DCHS2: variants seen among roughly 807,000 people sequenced by gnomAD.
DCHS2 encodes the protein dachsous cadherin-related 2.
A neutral mutation model predicts 182.4 loss-of-function variants in DCHS2; 142 were observed. The observed-to-expected ratio is 0.78, with a 90% confidence interval of 0.68 to 0.89. DCHS2 has a LOEUF of 0.89. Ranked by LOEUF, DCHS2 falls within the 40% of genes least tolerant of loss-of-function variation. The pLI is 0.00. For missense variants in DCHS2, 4,319 were observed against 4,198.6 expected, an observed-to-expected ratio of 1.03 and a Z score of -0.79; for synonymous variants, 1,740 against 1,663.3, an observed-to-expected ratio of 1.05 and a Z score of -1.12.
intron 2 of DCHS2, among the ~76,000 whole-genome samples, chr4:154,375,462 C>T (rs986195083): frequency 3.3e-5 from 5 of 151,778 alleles, no homozygotes; most frequent in Non-Finnish European, 7.4e-5. Context: ...ATATAAAGAA[C>T]TCATGCACAT....
At chr4:154,483,004 G>A (rs900280415) in intron 1 of DCHS2, among the ~76,000 whole-genome samples, 4 of 152,168 alleles carry the variant, frequency 2.6e-5, no homozygotes, top group Admixed American at 2.6e-4. Context: ...TTGAGGGCCT[G>A]GCTGATATTA....
intron 3 of DCHS2, among the ~76,000 whole-genome samples, chr4:154,359,196 T>A (rs2110749265): frequency 6.6e-6 from 1 of 152,116 alleles, no homozygotes; most frequent in Admixed American, 6.5e-5. Flanking sequence ...ACTGCTTGGA[T>A]TTATACATAC....
intron 2 of DCHS2, among the ~76,000 whole-genome samples, chr4:154,367,919 T>TGCTCTGAGCTCTGA (rs71600320): frequency 1.3e-5 from 2 of 151,454 alleles, no homozygotes; most frequent in East Asian, 2.0e-4. Flanking sequence ...ACGGCTGTCC[T>TGCTCTGAGCTCTGA]GCTCTGAGCT....
intron 1 of DCHS2, among the ~76,000 whole-genome samples, chr4:154,386,268 G>T (rs531748972): frequency 2.6e-4 from 39 of 152,086 alleles, no homozygotes; most frequent in Non-Finnish European, 5.6e-4. Context: ...ACTCCTGTCC[G>T]ACTCTTTCAC....
intron 1 of DCHS2, among the ~76,000 whole-genome samples, chr4:154,399,718 C>G (rs79869747): frequency 0.048 from 7,287 of 152,148 alleles, 266 homozygotes; most frequent in East Asian, 0.14. Context: ...AAGCAGAATC[C>G]GAAACCAATG....
intron 13 of DCHS2, among the ~76,000 whole-genome samples, chr4:154,271,632 A>G (rs1733600784): frequency 6.6e-6 from 1 of 152,158 alleles, no homozygotes; most frequent in Non-Finnish European, 1.5e-5. Flanking sequence ...TTGGTCCCCA[A>G]GTTAGTACTT....
chr4:154,373,852 C>T, intron 2 of DCHS2: 3 of 1,319,976 alleles, frequency 2.3e-6, no homozygotes, highest in Non-Finnish European at 3.2e-6. Flanking sequence ...AAACTCGAAG[C>T]TCTGACAACC....
At chr4:154,305,375 A>G (rs1248023027) in intron 10 of DCHS2, 144 bp from the exon 11 acceptor site, 1 of 1,113,944 alleles carries the variant, frequency 9.0e-7, no homozygotes, top group South Asian at 2.2e-5. Flanking sequence ...AGGTAAAAGA[A>G]AACCTCTTTT....
chr4:154,371,719 AG>A (rs1280303457), intron 2 of DCHS2, among the ~76,000 whole-genome samples: 1 of 152,160 alleles, frequency 6.6e-6, no homozygotes, highest in Non-Finnish European at 1.5e-5. Flanking sequence ...CAGAAGGCAA[AG>A]GGGGAGCAAG....
chr4:154,483,951 T>C (rs1728482406), intron 1 of DCHS2, among the ~76,000 whole-genome samples: 1 of 152,202 alleles, frequency 6.6e-6, no homozygotes, highest in Non-Finnish European at 1.5e-5. Context: ...TTCTCTCCTG[T>C]TAGTAGTTCT....
rs1190174705 is a variant in DCHS2, at chr4:154,236,567, C to T, written c.8085G>A (p.Gly2695=). ...TVVSANDRDT[G]SHAEIIYNII... The stretch of plus-strand genomic sequence containing the variant: ...TGTTGTAGATGATTTCTGCATGTGA[C>T]CCTGTGTCACGGTCATTTGCTGAGA... The change falls in exon 20 of 20, where the codon GGG becomes GGA. Residue 2695 remains glycine, a synonymous_variant. Coordinates refer to ENST00000357232, the MANE Select transcript of DCHS2 (RefSeq NM_001358235.2). The T allele has an allele frequency of 1.2e-6, 2 of 1,613,990 alleles. No individual in the cohort carries two copies. Among genetic ancestry groups the T allele is most frequent in the South Asian group, 2.2e-5 (2 of 91,082 alleles).
Position 154,233,149 on chromosome 4 carries a change from T to G in DCHS2, c.*1387A>C, listed in dbSNP as rs1383721396. 6.6e-6 allele frequency: 1 copy of G among 152,148 alleles called. No individual in the cohort carries two copies. The highest frequency in any genetic ancestry group is 1.5e-5 in the Non-Finnish European group (1 of 68,028). 9.4% of individuals were successfully genotyped at this position (152,148 alleles called of 1,614,324 possible). A position where few individuals can be genotyped will look rare whatever the true frequency, so the allele number is the denominator to read the frequency against. ...AGAAAGCCACACGATACCCTTTAGA[T>G]TTCACATTAGAATTCCTAAACTGTT... On this transcript the variant is annotated 3_prime_UTR_variant, in exon 20 of 20. Coordinates refer to ENST00000357232, the MANE Select transcript of DCHS2 (RefSeq NM_001358235.2).
At chr4:154,249,366 A>G (rs76363965) in intron 16 of DCHS2, among the ~76,000 whole-genome samples, 3,666 of 152,254 alleles carry the variant, frequency 0.024, 161 homozygotes, top group African/African-American at 0.081. Flanking sequence ...GAGAAATACA[A>G]ATCAAAACAT....
At chr4:154,450,280 G>A (rs1245521895) in intron 1 of DCHS2, among the ~76,000 whole-genome samples, 1 of 152,230 alleles carries the variant, frequency 6.6e-6, no homozygotes, top group African/African-American at 2.4e-5. Context: ...GGACTTTAAT[G>A]AGATTTGACT....
At chr4:154,368,938 A>G (rs1320209515) in intron 2 of DCHS2, among the ~76,000 whole-genome samples, 1 of 152,218 alleles carries the variant, frequency 6.6e-6, no homozygotes, top group Non-Finnish European at 1.5e-5. Flanking sequence ...AGTGCTAAAG[A>G]GGACAGATTT....
chr4:154,451,826 C>T (rs565141979), intron 1 of DCHS2, among the ~76,000 whole-genome samples: 1 of 152,318 alleles, frequency 6.6e-6, no homozygotes, highest in South Asian at 2.1e-4. Flanking sequence ...TGTTGAGAAA[C>T]TTGGAACATG....
chr4:154,298,237 A>T lies in DCHS2; in HGVS notation c.6077T>A (p.Val2026Glu). 3.7e-6 allele frequency: 6 copies of T among 1,614,138 alleles called. No individual in the cohort carries two copies. Among genetic ancestry groups the T allele is most frequent in the Non-Finnish European group, 5.1e-6 (6 of 1,180,008 alleles). ...GSRSTTVIIK[V>E]YVTDVNDNDP... is the part of the protein sequence containing the mutation. ...ATTGTCATTAACATCAGTGACATAT[A>T]CTTTTATAATTACAGTGGTGCTTCG... is the stretch of plus-strand genomic sequence containing the variant. The change falls in exon 13 of 20, where the codon GTA becomes GAA. Residue 2026 changes from valine to glutamate, a missense_variant. Val to Glu is a moderately radical substitution (Grantham distance 121). Coordinates refer to ENST00000357232, the MANE Select transcript of DCHS2 (RefSeq NM_001358235.2).
chr4:154,397,248 A>AT (rs1285762822), intron 1 of DCHS2, among the ~76,000 whole-genome samples: 7 of 152,204 alleles, frequency 4.6e-5, no homozygotes, highest in Non-Finnish European at 1.0e-4. Context: ...AGATTCTTAC[A>AT]TATTTGTCAA....
At chr4:154,283,947 G>A (rs77610560) in intron 13 of DCHS2, among the ~76,000 whole-genome samples, 3,126 of 152,220 alleles carry the variant, frequency 0.021, 112 homozygotes, top group African/African-American at 0.072. Context: ...TCCAGAGCCT[G>A]CATGTGTTCA....
Sources: gnomAD v4.1 joint callset for allele counts (sites outside exome capture counted in the v4.1 genomes callset) on GRCh38, gnomAD v4.1.1 for gene constraint, MANE v1.5 for transcripts, NCBI Gene and HGNC (gene_info 2026-07-23, HGNC 2026-07-21) for gene names.